The following WDR19 variants were observed in gnomAD, a reference collection of about 807,000 sequenced individuals.
WDR19 encodes the protein WD repeat domain 19, also known as WD repeat-containing protein 19.
A neutral mutation model predicts 180.0 loss-of-function variants in WDR19; 121 were observed. The ratio of observed to expected loss-of-function variants is 0.67; its 90% CI spans 0.58 to 0.78. The LOEUF (loss-of-function observed/expected upper bound fraction) is 0.78. Ranked by LOEUF, WDR19 falls within the 30% of genes least tolerant of loss-of-function variation. The pLI, the probability that WDR19 is intolerant of heterozygous loss-of-function variation, is 0.00. For missense variants in WDR19, 1,450 were observed against 1,640.7 expected, an observed-to-expected ratio of 0.88 and a Z score of 2.01; for synonymous variants, 497 against 540.7, an observed-to-expected ratio of 0.92 and a Z score of 1.12.
chr4:39,229,008 T>C (rs1239357390), intron 17 of WDR19, among the ~76,000 whole-genome samples: 2 of 152,186 alleles, frequency 1.3e-5, no homozygotes, highest in African/African-American at 2.4e-5. Flanking sequence ...TGTATGTCCA[T>C]GTGTACCCAT....
chr4:39,222,869 C>T (rs1729838644), intron 14 of WDR19, among the ~76,000 whole-genome samples: 1 of 152,160 alleles, frequency 6.6e-6, no homozygotes, highest in Non-Finnish European at 1.5e-5. Context: ...ACATACAGAA[C>T]AATTCTGCTG....
At chr4:39,223,737 A>G (rs1729948512) in intron 14 of WDR19, among the ~76,000 whole-genome samples, 1 of 152,180 alleles carries the variant, frequency 6.6e-6, no homozygotes, top group East Asian at 1.9e-4. Context: ...TCTTCCACCA[A>G]TACTACGCAG....
At position 39,244,503 on chromosome 4, in the gene WDR19, G is replaced by C; in HGVS notation, c.2596G>C (p.Gly866Arg). 1 of 1,613,910 alleles carries C rather than the reference G, an allele frequency of 6.2e-7. No homozygotes were observed. Among genetic ancestry groups the C allele is most frequent in the East Asian group, 2.2e-5 (1 of 44,876 alleles). ...FSEAAQLYEK[G>R]LYYDKAASVY... ...AGAAGCGGCCCAACTGTATGAAAAA[G>C]GTCTCTACTACGATAAAGCAGCATC... The change falls in exon 23 of 37, where the codon GGT becomes CGT. Residue 866 changes from glycine to arginine, a missense_variant. Physicochemically the swap from Gly to Arg is moderately radical, Grantham distance 125 (BLOSUM62 -2). Coordinates refer to ENST00000399820, the MANE Select transcript of WDR19 (RefSeq NM_025132.4).
At chr4:39,237,220 G>A (rs1344208564) in intron 20 of WDR19, among the ~76,000 whole-genome samples, 2 of 152,100 alleles carry the variant, frequency 1.3e-5, no homozygotes, top group Non-Finnish European at 2.9e-5. Context: ...GATTCATTGA[G>A]AATACTGACA....
intron 9 of WDR19, 46 bp downstream of exon 9, chr4:39,205,782 C>G: frequency 1.4e-6 from 2 of 1,462,908 alleles, no homozygotes; most frequent in African/African-American, 1.4e-5. Flanking sequence ...ATAGTAAATA[C>G]TTAAGTGAAT....
chr4:39,218,447 A>G (rs140938841), intron 14 of WDR19: 3,456 of 213,416 alleles, frequency 0.016, 38 homozygotes, highest in Non-Finnish European at 0.022. Flanking sequence ...ACTATAGGTA[A>G]TTGTAACACA....
At chr4:39,195,227 C>T (rs1726603140) in intron 5 of WDR19, among the ~76,000 whole-genome samples, 2 of 151,832 alleles carry the variant, frequency 1.3e-5, no homozygotes, top group African/African-American at 4.8e-5. Flanking sequence ...ATTAGCCGGG[C>T]ACAGTGGCAG....
At position 39,259,553 on chromosome 4, in the gene WDR19, CT is replaced by C. The variant is rs1272444819; in HGVS notation, c.3183+2001del. 5.9e-5 allele frequency among the ~76,000 whole-genome samples: 9 copies of C among 152,330 alleles called. No homozygotes were observed. In the South Asian group the frequency reaches 1.2e-3, roughly 21 times the overall value. On this transcript the variant is annotated intron_variant, in intron 28 of 36. Transcript: ENST00000399820. Reference sequence around the variant, plus strand: ...CATTTAGCGTCATGTTTTCAAGGCTCTTCCATGTTGTAGCATGTGTCAAGAA... The same window carrying C: ...CATTTAGCGTCATGTTTTCAAGGCTCTCCATGTTGTAGCATGTGTCAAGAA...
intron 36 of WDR19, among the ~76,000 whole-genome samples, chr4:39,282,545 C>G (rs1396349251): frequency 6.6e-6 from 1 of 152,004 alleles, no homozygotes; most frequent in East Asian, 1.9e-4. Context: ...TTACAGGCGC[C>G]CGCCACCACG....
chr4:39,248,004 T>C (rs201544869), intron 24 of WDR19, among the ~76,000 whole-genome samples: 2 of 152,192 alleles, frequency 1.3e-5, no homozygotes, highest in East Asian at 1.9e-4. Flanking sequence ...ATACAGAGAA[T>C]GCCACAAAGA....
chr4:39,254,120 T>TA, intron 26 of WDR19, 90 bp downstream of exon 26: 3 of 1,312,780 alleles, frequency 2.3e-6, no homozygotes, highest in Non-Finnish European at 3.1e-6. Context: ...TTGGTATACA[T>TA]ACAAGAATGC....
In WDR19 at chr4:39,278,145, G is replaced by A; in HGVS notation, c.3855G>A (p.Leu1285=). 1 of 1,605,182 alleles carries A rather than the reference G, an allele frequency of 6.2e-7. No individual in the cohort carries two copies. The highest frequency in any genetic ancestry group is 8.5e-7 in the Non-Finnish European group (1 of 1,175,714). ...PYCIATGRHM[L]KDDWTVCPHC... ...CCTGTTTCCAGGGTCGACACATGTT[G>A]AAAGATGACTGGACGGTGTGTCCAC... The change falls in exon 35 of 37, where the codon TTG becomes TTA. Residue 1285 remains leucine (L), a synonymous_variant. Transcript: ENST00000399820.
Position 39,182,547 on chromosome 4 carries a change from C to T in WDR19, c.-11C>T, listed in dbSNP as rs192498005. The T allele has an allele frequency of 6.2e-7, 1 of 1,613,768 alleles. No individual in the cohort carries two copies. The highest frequency in any genetic ancestry group is 1.3e-5 in the African/African-American group (1 of 75,022). ...GTACTTCATAGTTCGCGTAGCGGCT[C>T]GAGCGTGGAGATGAAGGTAAATAAC... On this transcript the variant is annotated 5_prime_UTR_variant, in exon 1 of 37. Coordinates refer to ENST00000399820, the MANE Select transcript of WDR19 (RefSeq NM_025132.4).
chr4:39,194,901 C>A, intron 5 of WDR19: 1 of 421,272 alleles, frequency 2.4e-6, no homozygotes, highest in Non-Finnish European at 4.2e-6. Context: ...CGCATCAGGA[C>A]ATTAACAGCA....
rs1730910216 is a variant in WDR19, at chr4:39,231,905, T to C, written c.2091T>C (p.Val697=). The C allele has an allele frequency of 6.2e-7, 1 of 1,613,660 alleles. No homozygotes were observed. The highest frequency in any genetic ancestry group is 1.1e-5 in the South Asian group (1 of 91,088). ...TGGAAGTGGAGTTTGCAATCCGTGT[T>C]TATCGGAGAATTGGAAATGTTGGCA... ...HHMEVEFAIR[V]YRRIGNVGIV... Residue 697 remains valine (V), a synonymous_variant, in exon 18 of 37, where the codon GTT becomes GTC. Transcript: ENST00000399820.
At chr4:39,193,677 T>C (rs1197898358) in intron 4 of WDR19, among the ~76,000 whole-genome samples, 1 of 152,252 alleles carries the variant, frequency 6.6e-6, no homozygotes, top group African/African-American at 2.4e-5. Context: ...TGTCCTTTTA[T>C]CACTGCCCTC....
At position 39,257,569 on chromosome 4, in the gene WDR19, A is replaced by G. The variant is rs754390260; in HGVS notation, c.3183+15A>G. 1 of 1,566,898 alleles carries G rather than the reference A, an allele frequency of 6.4e-7. No homozygotes were observed. Among genetic ancestry groups the G allele is most frequent in the Non-Finnish European group, 8.6e-7 (1 of 1,156,298 alleles). ...CAATTGAAACTGTAAGTACGCTTTC[A>G]ATGAAACTTTCAATAATGCCAATTT... On this transcript the variant is annotated intron_variant, in intron 28 of 36. Transcript: ENST00000399820.
chr4:39,272,033 G>A (rs1298292407), intron 31 of WDR19, among the ~76,000 whole-genome samples: 2 of 152,320 alleles, frequency 1.3e-5, no homozygotes, highest in African/African-American at 4.8e-5. Flanking sequence ...TGCATCTGGA[G>A]TTATAACTTG....
At chr4:39,209,938 T>G (rs1577884448) in intron 9 of WDR19, among the ~76,000 whole-genome samples, 1 of 152,262 alleles carries the variant, frequency 6.6e-6, no homozygotes, top group South Asian at 2.1e-4. Flanking sequence ...ATGGGACAAT[T>G]CTTTGAAAAC....
Sources: allele counts gnomAD v4.1 joint callset (sites outside exome capture counted in the v4.1 genomes callset), GRCh38; gene constraint gnomAD v4.1.1; transcripts MANE v1.5; gene names NCBI Gene and HGNC (gene_info 2026-07-23, HGNC 2026-07-21).